Variants in ASXL2 observed in about 807,000 individuals in gnomAD.
ASXL2 encodes the protein ASXL transcriptional regulator 2.
In ASXL2, 23 loss-of-function variants were observed where a neutral mutation model predicts 122.0. The ratio of observed to expected loss-of-function variants is 0.19; its 90% CI spans 0.14 to 0.27. ASXL2 has a LOEUF of 0.27. Among genes scored for constraint, ASXL2 ranks in the 10% least tolerant of loss-of-function variants. The probability of loss-of-function intolerance (pLI) is 1.00; values close to 1 mark genes in which losing one functional copy is unlikely to be tolerated. For synonymous variants in ASXL2, 650 were observed against 637.0 expected, an observed-to-expected ratio of 1.02 and a Z score of -0.31; for missense variants, 1,518 against 1,713.8, an observed-to-expected ratio of 0.89 and a Z score of 2.02.
chr2:25,866,889 C>A (rs190602438), intron 1 of ASXL2, among the ~76,000 whole-genome samples: 1 of 151,174 alleles, frequency 6.6e-6, no homozygotes, highest in Non-Finnish European at 1.5e-5. Context: ...CGCGCCACCA[C>A]GTCCAGCTAA....
chr2:25,874,426 T>C (rs1574458936), intron 1 of ASXL2, among the ~76,000 whole-genome samples: 2 of 151,996 alleles, frequency 1.3e-5, no homozygotes, highest in African/African-American at 4.8e-5. Context: ...CAGGCAGAAG[T>C]TGCAGTGAGC....
At chr2:25,808,082 T>G (rs1278383807) in intron 3 of ASXL2, among the ~76,000 whole-genome samples, 3 of 151,236 alleles carry the variant, frequency 2.0e-5, no homozygotes, top group African/African-American at 7.3e-5. Flanking sequence ...GCTATTTACT[T>G]GGGTATATGG....
chr2:25,829,450 A>C (rs573335764), intron 3 of ASXL2, among the ~76,000 whole-genome samples: 1 of 152,334 alleles, frequency 6.6e-6, no homozygotes, highest in East Asian at 1.9e-4. Flanking sequence ...CAATTAAGTA[A>C]ACCAAAAGAC....
intron 1 of ASXL2, among the ~76,000 whole-genome samples, chr2:25,847,410 C>T (rs2089661251): frequency 6.6e-6 from 1 of 152,132 alleles, no homozygotes; most frequent in Non-Finnish European, 1.5e-5. Context: ...CATCCATTTA[C>T]CCCTTTTACT....
In ASXL2 at chr2:25,817,265, G is replaced by A. The variant is rs575211139; in HGVS notation, c.144-10928C>T. On this transcript the variant is annotated intron_variant, in intron 3 of 12. Coordinates refer to ENST00000435504, the MANE Select transcript of ASXL2 (RefSeq NM_018263.6). ...GAGAAACTATTTTTTGGAAAAAAGT[G>A]GAATACATTTGCAATTAGGTAACAT... Among the ~76,000 whole-genome samples, 10 of 152,254 alleles carry A rather than the reference G, an allele frequency of 6.6e-5. No homozygotes were observed. The East Asian group carries it at 1.9e-3, about 29-fold the overall frequency.
chr2:25,878,074 T>G, intron 1 of ASXL2, 92 bp downstream of exon 1: 2 of 1,525,232 alleles, frequency 1.3e-6, no homozygotes, highest in South Asian at 2.2e-5. Flanking sequence ...TTCAGCCGGG[T>G]CCCTGGGCCA....
chr2:25,870,408 A>C (rs2089954073), intron 1 of ASXL2, among the ~76,000 whole-genome samples: 1 of 152,178 alleles, frequency 6.6e-6, no homozygotes, highest in Non-Finnish European at 1.5e-5. Flanking sequence ...CTGTAGTCCC[A>C]GCTACTCGGG....
chr2:25,818,970 C>T lies in ASXL2; in HGVS notation c.144-12633G>A, dbSNP rs77114069. ...ATTTCACATATGACTGCAGTGTCCT[C>T]GCTTGATGACTCTTCCTTGCTGGCT... On this transcript the variant is annotated intron_variant, in intron 3 of 12. Transcript: ENST00000435504. Among the ~76,000 whole-genome samples the T allele has an allele frequency of 1.7e-3, 254 of 152,316 alleles. 1 individual carries two copies. The highest frequency in any genetic ancestry group is 5.8e-3 in the African/African-American group (242 of 41,576).
intron 1 of ASXL2, among the ~76,000 whole-genome samples, chr2:25,868,562 T>G (rs1249857986): frequency 6.6e-6 from 1 of 152,222 alleles, no homozygotes; most frequent in Non-Finnish European, 1.5e-5. Context: ...GACTTAAGAA[T>G]TATCACAGAT....
At position 25,742,656 on chromosome 2, in the gene ASXL2, A is replaced by G. The variant is rs373685966; in HGVS notation, c.3681T>C (p.Ala1227=). Reference sequence around the variant, plus strand: ...GTATCTCAGCCTTCACATTCTTGCTAGCTAAGCAATCACTGGTAGATAGAG... The same window carrying G: ...GTATCTCAGCCTTCACATTCTTGCTGGCTAAGCAATCACTGGTAGATAGAG... ...RETLSTSDCL[A]SKNVKAEIPL... is the part of the protein sequence containing the mutation. The change falls in exon 13 of 13, where the codon GCT becomes GCC. Residue 1227 remains alanine (A), a synonymous_variant. Coordinates refer to ENST00000435504, the MANE Select transcript of ASXL2 (RefSeq NM_018263.6). 6.2e-7 allele frequency: 1 copy of G among 1,613,978 alleles called. No individual in the cohort carries two copies. The highest frequency in any genetic ancestry group is 1.3e-5 in the African/African-American group (1 of 75,042).
intron 4 of ASXL2, among the ~76,000 whole-genome samples, chr2:25,803,931 T>C (rs2089037674): frequency 6.6e-6 from 1 of 152,228 alleles, no homozygotes; most frequent in Non-Finnish European, 1.5e-5. Context: ...TCCACACATC[T>C]GGTGTTAGAA....
At chr2:25,844,396 A>G (rs963887050) in intron 2 of ASXL2, among the ~76,000 whole-genome samples, 17 of 151,916 alleles carry the variant, frequency 1.1e-4, no homozygotes, top group Non-Finnish European at 1.8e-4. Flanking sequence ...GCCTGGGCAA[A>G]ATGGTGAAAC....
At chr2:25,767,849 GT>G in intron 7 of ASXL2, 123 bp from the exon 8 acceptor site, 1 of 1,098,552 alleles carries the variant, frequency 9.1e-7, no homozygotes, top group East Asian at 2.5e-5. Context: ...TCCCTAATGT[GT>G]TTTGAGTTTG....
chr2:25,828,838 A>C (rs944696310), intron 3 of ASXL2, among the ~76,000 whole-genome samples: 2 of 151,320 alleles, frequency 1.3e-5, no homozygotes, highest in Non-Finnish European at 3.0e-5. Context: ...AAAAAAAAAA[A>C]AAAAAAAAAA....
intron 3 of ASXL2, among the ~76,000 whole-genome samples, chr2:25,807,023 C>G (rs572478514): frequency 6.6e-6 from 1 of 152,070 alleles, no homozygotes; most frequent in East Asian, 1.9e-4. Context: ...GTTTCTACAT[C>G]TAAGGAAAAT....
At chr2:25,753,432 G>A in intron 11 of ASXL2, 102 bp downstream of exon 11, 3 of 760,012 alleles carry the variant, frequency 3.9e-6, no homozygotes, top group East Asian at 2.9e-5. Flanking sequence ...AAAACAGAAG[G>A]AAACTGGGGC....
intron 1 of ASXL2, among the ~76,000 whole-genome samples, chr2:25,857,365 G>A (rs2089793031): frequency 6.6e-6 from 1 of 152,116 alleles, no homozygotes; most frequent in Admixed American, 6.6e-5. Context: ...CTTTGTCTGG[G>A]TAGCTGGGAC....
At chr2:25,856,679 G>T in intron 1 of ASXL2, 4 of 1,272,664 alleles carry the variant, frequency 3.1e-6, no homozygotes, top group Non-Finnish European at 4.6e-6. Flanking sequence ...ACCCTCAGCC[G>T]TTAGAGTGAG....
chr2:25,860,440 G>T (rs1466380170), intron 1 of ASXL2, among the ~76,000 whole-genome samples: 3 of 152,206 alleles, frequency 2.0e-5, no homozygotes, highest in Admixed American at 2.0e-4. Context: ...ATCTGGCTGG[G>T]TGCGGTGGCT....
Sources: allele counts gnomAD v4.1 joint callset (sites outside exome capture counted in the v4.1 genomes callset), GRCh38; gene constraint gnomAD v4.1.1; transcripts MANE v1.5; gene names NCBI Gene and HGNC (gene_info 2026-07-23, HGNC 2026-07-21).